Variants in PAWR observed in about 807,000 individuals in gnomAD.
The protein encoded by PAWR is pro-apoptotic WT1 regulator.
In PAWR, 23 loss-of-function variants were observed where a neutral mutation model predicts 32.0. That is an observed-to-expected ratio of 0.72 (90% CI 0.52 to 1.02). The LOEUF (loss-of-function observed/expected upper bound fraction) is 1.02. Among genes scored for constraint, PAWR ranks in the 50% least tolerant of loss-of-function variants. The pLI is 0.00. For missense variants in PAWR, 457 were observed against 437.7 expected (o/e 1.04, Z -0.39); for synonymous variants, 226 against 187.1 (o/e 1.21, Z -1.70).
chr12:79,595,079 G>T (rs950871903), intron 5 of PAWR, among the ~76,000 whole-genome samples: 2 of 151,992 alleles, frequency 1.3e-5, no homozygotes, highest in Admixed American at 1.3e-4. Context: ...TTTTTAATGG[G>T]TATCTTGTTT....
rs145209512 is a variant in PAWR, at chr12:79,595,393, T to C, written c.832-960A>G. Among the ~76,000 whole-genome samples the C allele has an allele frequency of 4.1e-3, 625 of 152,356 alleles. 12 individuals carry two copies. The highest frequency in any genetic ancestry group is 0.014 in the African/African-American group (592 of 41,584). On this transcript the variant is annotated intron_variant, in intron 5 of 6. Coordinates refer to ENST00000328827, the MANE Select transcript of PAWR (RefSeq NM_002583.4). ...CCTTGCCCAGAACTTGGCTTCTTTC[T>C]TACTAAACCTCCTACAGAGCAATCA...
intron 2 of PAWR, among the ~76,000 whole-genome samples, chr12:79,636,022 T>C (rs1875945329): frequency 1.3e-5 from 2 of 152,136 alleles, no homozygotes; most frequent in South Asian, 2.1e-4. Context: ...CAGCCAATCA[T>C]AGTATTTCTT....
chr12:79,635,063 T>G (rs1875895898), intron 2 of PAWR, among the ~76,000 whole-genome samples: 1 of 152,120 alleles, frequency 6.6e-6, no homozygotes, highest in Non-Finnish European at 1.5e-5. Context: ...CAATACTGCA[T>G]TCTTCCTCTC....
intron 2 of PAWR, among the ~76,000 whole-genome samples, chr12:79,638,049 T>C (rs995558680): frequency 2.0e-5 from 3 of 152,088 alleles, no homozygotes; most frequent in Non-Finnish European, 4.4e-5. Context: ...ACAAGTTAAA[T>C]AGCCTTTCAC....
chr12:79,634,681 T>C (rs1439582889), intron 2 of PAWR, among the ~76,000 whole-genome samples: 1 of 150,920 alleles, frequency 6.6e-6, no homozygotes, highest in African/African-American at 2.5e-5. Context: ...GAATAGACAA[T>C]AGCAGTGAGC....
In PAWR at chr12:79,592,081, G is replaced by C. The variant is rs1226014005; in HGVS notation, c.*526C>G. The C allele has an allele frequency of 6.6e-6, 1 of 152,442 alleles. No homozygotes were observed. Among genetic ancestry groups the C allele is most frequent in the Non-Finnish European group, 1.5e-5 (1 of 67,982 alleles). The allele number at this position is 152,442 out of a possible 1,614,324, so 9.4% of individuals were successfully genotyped here. ...CTTTATAAGAGCTTTCCTTTTAAAAGGTTGCTGTTATAAAAAAGTATGACT... is the reference window on the plus strand; with the variant it reads ...CTTTATAAGAGCTTTCCTTTTAAAACGTTGCTGTTATAAAAAAGTATGACT... On this transcript the variant is annotated 3_prime_UTR_variant, in exon 7 of 7. Transcript: ENST00000328827.
chr12:79,680,483 T>C (rs1878385756), intron 2 of PAWR, among the ~76,000 whole-genome samples: 1 of 152,246 alleles, frequency 6.6e-6, no homozygotes, highest in Non-Finnish European at 1.5e-5. Context: ...TTAACATGTG[T>C]GAAACTGCTA....
chr12:79,599,031 G>A (rs891245401), intron 4 of PAWR, among the ~76,000 whole-genome samples: 10 of 152,142 alleles, frequency 6.6e-5, no homozygotes, highest in African/African-American at 2.4e-4. Flanking sequence ...CACTGCGCCC[G>A]GCCAACTGAC....
chr12:79,620,202 TAATA>T (rs1341826059), intron 3 of PAWR, among the ~76,000 whole-genome samples: 1 of 152,230 alleles, frequency 6.6e-6, no homozygotes, highest in African/African-American at 2.4e-5. Flanking sequence ...AAAATTTCTC[TAATA>T]TATAACTGAT....
intron 2 of PAWR, among the ~76,000 whole-genome samples, chr12:79,686,983 G>A (rs1214650772): frequency 6.6e-6 from 1 of 152,058 alleles, no homozygotes; most frequent in Non-Finnish European, 1.5e-5. Context: ...TCTTTAACAG[G>A]TATGTAATAC....
At chr12:79,652,828 T>C (rs1244637439) in intron 2 of PAWR, among the ~76,000 whole-genome samples, 1 of 152,200 alleles carries the variant, frequency 6.6e-6, no homozygotes, top group African/African-American at 2.4e-5. Context: ...AAATGTTGTA[T>C]CATGAATTCA....
rs543813929 is a variant in PAWR, at chr12:79,604,321, G to A, written c.684-7663C>T. 1.6e-4 allele frequency: 156 copies of A among 1,005,360 alleles called. 1 individual carries two copies. In the South Asian group the frequency reaches 1.9e-3, roughly 12 times the overall value. 62.3% of individuals were successfully genotyped at this position (1,005,360 alleles called of 1,614,324 possible). A position where few individuals can be genotyped will look rare whatever the true frequency, so the allele number is the denominator to read the frequency against. ...AGAAACAGTATCATCAAAGATAAATGCCACCCCTTACTGGAAGTTTTCCCC... is the reference window on the plus strand; with the variant it reads ...AGAAACAGTATCATCAAAGATAAATACCACCCCTTACTGGAAGTTTTCCCC... On this transcript the variant is annotated intron_variant, in intron 4 of 6. Transcript: ENST00000328827.
chr12:79,596,693 G>C (rs1873767054), intron 4 of PAWR, 35 bp from the exon 5 acceptor site: 3 of 1,424,706 alleles, frequency 2.1e-6, no homozygotes, highest in Non-Finnish European at 2.8e-6. Flanking sequence ...AAAATCCCTA[G>C]TATTCAGCAA....
rs182235071 is a variant in PAWR at position 79,655,224 on chromosome 12, G to A, written c.517-34017C>T. On this transcript the variant is annotated intron_variant, in intron 2 of 6. Coordinates refer to ENST00000328827, the MANE Select transcript of PAWR (RefSeq NM_002583.4). ...GCTTAACAAGAGCCTCAGGTGATTC[G>A]TATGCACATTAAAGTCTGAGGAGTA... Among the ~76,000 whole-genome samples the A allele has an allele frequency of 3.3e-5, 5 of 152,208 alleles. No homozygotes were observed. The East Asian group carries it at 9.7e-4, about 29-fold the overall frequency.
chr12:79,634,273 T>C (rs1013754069), intron 2 of PAWR, among the ~76,000 whole-genome samples: 4 of 152,142 alleles, frequency 2.6e-5, no homozygotes, highest in Non-Finnish European at 5.9e-5. Context: ...TAAGGATACA[T>C]TTATCTCTTG....
chr12:79,599,361 C>A (rs1433979800), intron 4 of PAWR, among the ~76,000 whole-genome samples: 1 of 152,126 alleles, frequency 6.6e-6, no homozygotes, highest in Non-Finnish European at 1.5e-5. Flanking sequence ...GTGAATTCAG[C>A]TGATATAGCA....
intron 2 of PAWR, among the ~76,000 whole-genome samples, chr12:79,663,823 A>C (rs180934941): frequency 1.5e-4 from 23 of 152,342 alleles, no homozygotes; most frequent in Non-Finnish European, 5.9e-5. Context: ...TCTGACACAG[A>C]AACTTCTAAG....
At chr12:79,616,736 C>T (rs570803531) in intron 3 of PAWR, among the ~76,000 whole-genome samples, 25 of 151,648 alleles carry the variant, frequency 1.6e-4, no homozygotes, top group Middle Eastern at 3.4e-3. Context: ...TTTTTAAACA[C>T]TCAGTCACTT....
At chr12:79,680,292 G>A (rs970659128) in intron 2 of PAWR, among the ~76,000 whole-genome samples, 9 of 152,094 alleles carry the variant, frequency 5.9e-5, no homozygotes, top group African/African-American at 2.2e-4. Flanking sequence ...CACTGCATAC[G>A]TTATGAGCTA....
Sources: gnomAD v4.1 joint callset for allele counts (sites outside exome capture counted in the v4.1 genomes callset) on GRCh38, gnomAD v4.1.1 for gene constraint, MANE v1.5 for transcripts, NCBI Gene and HGNC (gene_info 2026-07-23, HGNC 2026-07-21) for gene names.